ADAMTS10: variants seen among roughly 807,000 people sequenced by gnomAD.
ADAMTS10 encodes the protein A disintegrin and metalloproteinase with thrombospondin motifs 10.
ADAMTS10 carries 48 observed loss-of-function variants against 135.9 expected under a neutral mutation model. That is an observed-to-expected ratio of 0.35 (90% CI 0.28 to 0.45). The LOEUF is 0.45. Ranked by LOEUF, ADAMTS10 falls within the 20% of genes least tolerant of loss-of-function variation. ADAMTS10 has a pLI of 1.00. For missense variants in ADAMTS10, 1,131 were observed against 1,565.2 expected (o/e 0.72, Z 4.68); for synonymous variants, 621 against 647.5 (o/e 0.96, Z 0.62).
intron 18 of ADAMTS10, 60 bp downstream of exon 18, chr19:8,589,182 T>C (rs2042481968): frequency 6.2e-6 from 10 of 1,608,322 alleles, no homozygotes; most frequent in African/African-American, 1.3e-5. Context: ...CTGGGATCAG[T>C]TCCACCTGCA....
At chr19:8,600,783 C>G (rs572802735) in intron 6 of ADAMTS10, 145 bp downstream of exon 6, 2 of 992,490 alleles carry the variant, frequency 2.0e-6, no homozygotes, top group Non-Finnish European at 3.0e-6. Flanking sequence ...CAGGTGTGAG[C>G]CACCGCGCCC....
intron 5 of ADAMTS10, among the ~76,000 whole-genome samples, chr19:8,602,372 G>T (rs925993484): frequency 6.6e-6 from 1 of 152,166 alleles, no homozygotes; most frequent in Non-Finnish European, 1.5e-5. Flanking sequence ...AGGCTGGAGT[G>T]CAATGGCGAA....
chr19:8,600,518 T>TGGA (rs2042653288), intron 6 of ADAMTS10, among the ~76,000 whole-genome samples: 2 of 127,502 alleles, frequency 1.6e-5, no homozygotes, highest in East Asian at 7.1e-4. Flanking sequence ...TTTTTTTTTT[T>TGGA]GACAGAGTCT....
At chr19:8,594,308 A>G (rs797026542) in intron 12 of ADAMTS10, among the ~76,000 whole-genome samples, 5 of 152,172 alleles carry the variant, frequency 3.3e-5, no homozygotes, top group African/African-American at 1.2e-4. Flanking sequence ...ATAAATGGCT[A>G]TGAGGCACGT....
chr19:8,603,619 T>C, intron 5 of ADAMTS10, 109 bp downstream of exon 5: 1 of 1,506,100 alleles, frequency 6.6e-7, no homozygotes, highest in Non-Finnish European at 9.1e-7. Flanking sequence ...AGCAGCTCCA[T>C]TCTTCCCCTC....
At chr19:8,595,432 C>T (rs1419302653) in intron 12 of ADAMTS10, among the ~76,000 whole-genome samples, 3 of 152,144 alleles carry the variant, frequency 2.0e-5, no homozygotes, top group East Asian at 1.9e-4. Context: ...AAAACTGCCC[C>T]GTGAGAGGTC....
chr19:8,607,145 A>C (rs782787452), intron 2 of ADAMTS10, among the ~76,000 whole-genome samples: 1 of 152,110 alleles, frequency 6.6e-6, no homozygotes, highest in African/African-American at 2.4e-5. Context: ...ATTAGAGCTA[A>C]GGCTCCCACC....
At chr19:8,584,464 C>T (rs1309675892) in intron 25 of ADAMTS10, among the ~76,000 whole-genome samples, 1 of 151,274 alleles carries the variant, frequency 6.6e-6, no homozygotes, top group Admixed American at 6.6e-5. Context: ...CTGAGTAACA[C>T]AGCAAGACCC....
In ADAMTS10 at chr19:8,589,516, G is replaced by A; in HGVS notation, c.1970C>T (p.Ala657Val). 1 of 1,613,566 alleles carries A rather than the reference G, an allele frequency of 6.2e-7. No homozygotes were observed. The highest frequency in any genetic ancestry group is 8.5e-7 in the Non-Finnish European group (1 of 1,179,978). Residue 657 changes from alanine to valine, a missense_variant, in exon 17 of 26, where the codon GCC (alanine) becomes GTC (valine). Coordinates refer to ENST00000597188, the MANE Select transcript of ADAMTS10 (RefSeq NM_030957.4). ...ACGGCAGGGTGTCCCGTCCACCACG[G>A]CTGCCGCCCTCTCCGTGTAGAAGTT... ...GFNFYTERAA[A>V]VVDGTPCRPD... is the part of the protein sequence containing the mutation.
At position 8,589,314 on chromosome 19, in the gene ADAMTS10, G is replaced by C; in HGVS notation, c.2086C>G (p.Arg696Gly). The stretch of plus-strand genomic sequence containing the variant: ...GCACTGCCGTCACCGCCACACACTC[G>C]GCACTTGTCCTCCCGCAGGTCGGAG... ...LGSDLREDKC[R>G]VCGGDGSACE... is the part of the protein sequence containing the mutation. The change falls in exon 18 of 26, where the codon CGA (arginine) becomes GGA (glycine). Residue 696 changes from arginine to glycine, a missense_variant. Arg to Gly is a moderately radical substitution (Grantham distance 125). Coordinates refer to ENST00000597188, the MANE Select transcript of ADAMTS10 (RefSeq NM_030957.4). The C allele has an allele frequency of 1.2e-6, 2 of 1,612,602 alleles. No homozygotes were observed. The highest frequency in any genetic ancestry group is 1.7e-6 in the Non-Finnish European group (2 of 1,179,970).
intron 13 of ADAMTS10, 42 bp from the exon 14 acceptor site, chr19:8,592,145 G>A: frequency 2.5e-6 from 4 of 1,612,974 alleles, no homozygotes; most frequent in Non-Finnish European, 3.4e-6. Flanking sequence ...CAGCCCGGAG[G>A]ACACTCGTCG....
chr19:8,601,037 G>A lies in ADAMTS10; in HGVS notation c.701C>T (p.Ser234Leu), dbSNP rs2042664435. 2 of 1,614,138 alleles carry A rather than the reference G, an allele frequency of 1.2e-6. No individual in the cohort carries two copies. The highest frequency in any genetic ancestry group is 1.7e-6 in the Non-Finnish European group (2 of 1,180,046). The change falls in exon 6 of 26, where the codon TCG becomes TTG. Residue 234 changes from serine to leucine, a missense_variant. Coordinates refer to ENST00000597188, the MANE Select transcript of ADAMTS10 (RefSeq NM_030957.4). The surrounding 1 kb of genome is among the most constrained non-coding windows in gnomAD (Gnocchi z 4.6). ...CTCCACGTAGCGCTCTCGGCTGACC[G>A]ATCGCTTCAGGCCTGGCTGGCCACG... ...TERGQPGLKR[S>L]VSRERYVETL...
At chr19:8,599,137 G>A (rs993705168) in intron 6 of ADAMTS10, among the ~76,000 whole-genome samples, 3 of 151,924 alleles carry the variant, frequency 2.0e-5, no homozygotes, top group South Asian at 2.1e-4. Context: ...ACACTGGTAC[G>A]CTGAGGCTTA....
chr19:8,584,913 G>C lies in ADAMTS10; in HGVS notation c.3184C>G (p.Pro1062Ala), dbSNP rs1555736418. The change falls in exon 25 of 26, where the codon CCC (proline) becomes GCC (alanine). Residue 1062 changes from proline (P) to alanine (A), a missense_variant. Transcript: ENST00000597188. ...CACATACCTTCAGGGCCGTCCCCGG[G>C]GGTTGGGCTGTCGCACTTGGCCTCA... ...QCEAKCDSPT[P>A]GDGPEECKDV... 6.5e-7 allele frequency: 1 copy of C among 1,549,012 alleles called. No individual in the cohort carries two copies. The highest frequency in any genetic ancestry group is 2.4e-5 in the East Asian group (1 of 40,888).
At chr19:8,581,860 C>CAAAAAAAAAAAAAAAAAAAAA (rs71286209) in intron 25 of ADAMTS10, among the ~76,000 whole-genome samples, 4 of 127,650 alleles carry the variant, frequency 3.1e-5, no homozygotes, top group Non-Finnish European at 5.0e-5. Flanking sequence ...AACAAAAAAA[C>CAAAAAAAAAAAAAAAAAAAAA]AAAAAAAAAA....
At chr19:8,598,342 C>A (rs2042627653) in intron 6 of ADAMTS10, among the ~76,000 whole-genome samples, 1 of 151,848 alleles carries the variant, frequency 6.6e-6, no homozygotes, top group Non-Finnish European at 1.5e-5. Context: ...CAGAGGCGAC[C>A]TGAGGGATAT....
At chr19:8,600,500 C>CTTTTTTTTTT (rs797035354) in intron 6 of ADAMTS10, among the ~76,000 whole-genome samples, 6 of 129,822 alleles carry the variant, frequency 4.6e-5, no homozygotes, top group East Asian at 3.0e-4. Flanking sequence ...TCTTTCTTTT[C>CTTTTTTTTTT]TTTTTTTTTT....
At chr19:8,582,027 T>C (rs1241611169) in intron 25 of ADAMTS10, among the ~76,000 whole-genome samples, 2 of 149,720 alleles carry the variant, frequency 1.3e-5, no homozygotes, top group East Asian at 3.9e-4. Flanking sequence ...CGAGACCCTG[T>C]CAAACAAACA....
At chr19:8,593,092 A>G (rs954306812) in intron 12 of ADAMTS10, 14 of 603,892 alleles carry the variant, frequency 2.3e-5, no homozygotes, top group South Asian at 7.4e-5. Flanking sequence ...CACTTTATAC[A>G]TGCCATATAC....
Sources: gnomAD v4.1 joint callset for allele counts (sites outside exome capture counted in the v4.1 genomes callset) on GRCh38, gnomAD v4.1.1 for gene constraint, Gnocchi (gnomAD v3.1) non-coding constraint, MANE v1.5 for transcripts, NCBI Gene and HGNC (gene_info 2026-07-23, HGNC 2026-07-21) for gene names.